Variants in MAGI2 observed in about 807,000 individuals in gnomAD.
MAGI2 encodes membrane associated guanylate kinase, WW and PDZ domain containing 2.
MAGI2 carries 35 observed loss-of-function variants against 133.3 expected under a neutral mutation model. The ratio of observed to expected loss-of-function variants is 0.26; its 90% CI spans 0.20 to 0.35. The LOEUF (loss-of-function observed/expected upper bound fraction) is 0.35. MAGI2 is among the 10% of genes least tolerant of loss of function. The pLI, the probability that MAGI2 is intolerant of heterozygous loss-of-function variation, is 1.00. For synonymous variants in MAGI2, 729 were observed against 710.6 expected, an observed-to-expected ratio of 1.03 and a Z score of -0.41; for missense variants, 1,636 against 1,863.4, an observed-to-expected ratio of 0.88 and a Z score of 2.25.
At chr7:78,255,807 C>A in intron 10 of MAGI2, 136 bp downstream of exon 10, 2 of 846,344 alleles carry the variant, frequency 2.4e-6, no homozygotes, top group Non-Finnish European at 3.6e-6. Flanking sequence ...TCATGTTTTT[C>A]TCTCTCACTC....
chr7:79,440,297 G>T (rs1187203301), intron 1 of MAGI2, among the ~76,000 whole-genome samples: 1 of 151,938 alleles, frequency 6.6e-6, no homozygotes, highest in Non-Finnish European at 1.5e-5. Flanking sequence ...AATAGCAAAG[G>T]CATTTGTAAA....
intron 20 of MAGI2, among the ~76,000 whole-genome samples, chr7:78,101,394 A>C (rs566755538): frequency 2.0e-5 from 3 of 152,324 alleles, no homozygotes; most frequent in African/African-American, 7.2e-5. Flanking sequence ...AAATAAACTC[A>C]TGCATATGGG....
At chr7:78,755,541 C>G (rs942586426) in intron 2 of MAGI2, among the ~76,000 whole-genome samples, 1 of 152,024 alleles carries the variant, frequency 6.6e-6, no homozygotes, top group Admixed American at 6.6e-5. Context: ...ATTTTGGGGC[C>G]AGGTGTGTCT....
rs916848706 is a variant in MAGI2 at position 79,244,018 on chromosome 7, G to GA, written c.301+209001dup. Among the ~76,000 whole-genome samples, 339 of 150,990 alleles carry GA rather than the reference G, an allele frequency of 2.2e-3. 3 individuals carry two copies. Among genetic ancestry groups the GA allele is most frequent in the African/African-American group, 7.7e-3 (316 of 41,190 alleles). ...TCAGCCTTTGGTGGAAGAAACGAAA[G>GA]AAAAAAAAAGTAACAATTACATCTA... On this transcript the variant is annotated intron_variant, in intron 1 of 21. Transcript: ENST00000354212.
intron 3 of MAGI2, among the ~76,000 whole-genome samples, chr7:78,574,336 C>T (rs1802046718): frequency 6.6e-6 from 1 of 152,214 alleles, no homozygotes; most frequent in Non-Finnish European, 1.5e-5. Context: ...TCCTCCATCC[C>T]CTTTCCTGAT....
At chr7:79,261,243 T>C (rs985415048) in intron 1 of MAGI2, among the ~76,000 whole-genome samples, 1 of 152,212 alleles carries the variant, frequency 6.6e-6, no homozygotes, top group Non-Finnish European at 1.5e-5. Context: ...TTACATTCAC[T>C]TCTTCATTCG....
intron 2 of MAGI2, among the ~76,000 whole-genome samples, chr7:78,689,352 A>G (rs1816708114): frequency 6.6e-6 from 1 of 152,200 alleles, no homozygotes. Flanking sequence ...AACAAAGAGC[A>G]TTTATCATAA....
intron 1 of MAGI2, among the ~76,000 whole-genome samples, chr7:79,436,009 G>A (rs529555476): frequency 2.6e-5 from 4 of 152,120 alleles, no homozygotes; most frequent in Admixed American, 1.3e-4. Flanking sequence ...ACAAAAATAA[G>A]CACTGGGGAA....
At chr7:78,168,931 T>A (rs1825863883) in intron 14 of MAGI2, among the ~76,000 whole-genome samples, 1 of 152,220 alleles carries the variant, frequency 6.6e-6, no homozygotes, top group African/African-American at 2.4e-5. Flanking sequence ...CTTCTCCAGA[T>A]TTTTGTTCTA....
At chr7:79,305,627 T>C (rs1585503595) in intron 1 of MAGI2, among the ~76,000 whole-genome samples, 1 of 152,298 alleles carries the variant, frequency 6.6e-6, no homozygotes, top group Middle Eastern at 3.4e-3. Flanking sequence ...AAAAGGGATC[T>C]AGGCTGGTCA....
intron 3 of MAGI2, among the ~76,000 whole-genome samples, chr7:78,579,160 T>A (rs1189543782): frequency 6.6e-6 from 1 of 152,188 alleles, no homozygotes; most frequent in African/African-American, 2.4e-5. Flanking sequence ...AAAACAAAAC[T>A]GAGGCAAAAT....
intron 1 of MAGI2, among the ~76,000 whole-genome samples, chr7:79,101,931 T>C (rs1818021439): frequency 2.0e-5 from 3 of 151,918 alleles, no homozygotes; most frequent in Admixed American, 2.0e-4. Flanking sequence ...ACACCATATA[T>C]TTTAGGAAAT....
At chr7:78,509,715 C>T (rs920265562) in intron 4 of MAGI2, among the ~76,000 whole-genome samples, 7 of 152,236 alleles carry the variant, frequency 4.6e-5, no homozygotes, top group Non-Finnish European at 5.9e-5. Context: ...TTTCAACGTT[C>T]CCACCCAGTT....
chr7:78,164,801 T>C (rs1273906156), intron 15 of MAGI2, among the ~76,000 whole-genome samples: 1 of 152,254 alleles, frequency 6.6e-6, no homozygotes, highest in Non-Finnish European at 1.5e-5. Context: ...GATTTACACT[T>C]CAGGAAATTC....
intron 1 of MAGI2, among the ~76,000 whole-genome samples, chr7:79,155,913 C>A (rs1365124440): frequency 6.6e-6 from 1 of 152,096 alleles, no homozygotes; most frequent in Non-Finnish European, 1.5e-5. Context: ...AAGCATCAAA[C>A]TGACTTTTTG....
intron 16 of MAGI2, among the ~76,000 whole-genome samples, chr7:78,145,152 T>C (rs1364276109): frequency 6.6e-6 from 1 of 152,182 alleles, no homozygotes; most frequent in Non-Finnish European, 1.5e-5. Context: ...TTCTAGATTG[T>C]ATGAAACTCC....
intron 6 of MAGI2, among the ~76,000 whole-genome samples, chr7:78,401,362 T>C (rs993709759): frequency 2.6e-5 from 4 of 152,188 alleles, no homozygotes; most frequent in Admixed American, 6.5e-5. Flanking sequence ...TCACTTAATA[T>C]TTTAACTTGC....
At chr7:78,508,493 A>G (rs1016415207) in intron 4 of MAGI2, among the ~76,000 whole-genome samples, 1 of 152,192 alleles carries the variant, frequency 6.6e-6, no homozygotes, top group Non-Finnish European at 1.5e-5. Flanking sequence ...AATGACATAT[A>G]TTGGATATTG....
intron 12 of MAGI2, among the ~76,000 whole-genome samples, chr7:78,187,279 C>T (rs1415271233): frequency 1.3e-5 from 2 of 151,976 alleles, no homozygotes; most frequent in Admixed American, 1.3e-4. Flanking sequence ...AAATTTCATA[C>T]CATTATTATT....
Sources: allele counts gnomAD v4.1 joint callset (sites outside exome capture counted in the v4.1 genomes callset), GRCh38; gene constraint gnomAD v4.1.1; transcripts MANE v1.5; gene names NCBI Gene and HGNC (gene_info 2026-07-23, HGNC 2026-07-21).